Variants in ANKRD55 observed in about 807,000 individuals in gnomAD.
ANKRD55 encodes the protein ankyrin repeat domain-containing protein 55.
A neutral mutation model predicts 60.6 loss-of-function variants in ANKRD55; 41 were observed. That is an observed-to-expected ratio of 0.68 (90% CI 0.53 to 0.88). The LOEUF (loss-of-function observed/expected upper bound fraction) is 0.88, where lower values mean the gene tolerates loss of function less well. Among genes scored for constraint, ANKRD55 ranks in the 40% least tolerant of loss-of-function variants. The pLI is 0.00. For missense variants in ANKRD55, 732 were observed against 767.6 expected, an observed-to-expected ratio of 0.95 and a Z score of 0.55; for synonymous variants, 264 against 290.3, an observed-to-expected ratio of 0.91 and a Z score of 0.92.
intron 2 of ANKRD55, among the ~76,000 whole-genome samples, chr5:56,197,095 T>C (rs1218784262): frequency 2.0e-5 from 3 of 152,174 alleles, no homozygotes; most frequent in Non-Finnish European, 4.4e-5. Flanking sequence ...TGAAGCACAC[T>C]GAAGATTACT....
At chr5:56,107,969 A>C (rs1215578843) in intron 10 of ANKRD55, among the ~76,000 whole-genome samples, 2 of 151,734 alleles carry the variant, frequency 1.3e-5, no homozygotes, top group Non-Finnish European at 2.9e-5. Flanking sequence ...TCCCAGGCTC[A>C]AGTGATCCTC....
intron 10 of ANKRD55, chr5:56,110,608 AC>A (rs1475293697): frequency 6.4e-6 from 1 of 155,368 alleles, no homozygotes; most frequent in Non-Finnish European, 1.4e-5. Context: ...GAATTGCTTT[AC>A]AACCCTTTGG....
chr5:56,116,824 T>A, intron 8 of ANKRD55, 42 bp from the exon 9 acceptor site: 1 of 1,511,840 alleles, frequency 6.6e-7, no homozygotes, highest in Non-Finnish European at 8.8e-7. Context: ...TCTGAGCATG[T>A]GAATTGTTCA....
intron 4 of ANKRD55, among the ~76,000 whole-genome samples, chr5:56,172,012 G>A (rs983119568): frequency 1.3e-5 from 2 of 151,904 alleles, no homozygotes; most frequent in Non-Finnish European, 2.9e-5. Context: ...CCAGCTACTC[G>A]GGAGGCTGAG....
chr5:56,220,641 C>T lies in ANKRD55; in HGVS notation c.58+12215G>A, dbSNP rs146106112. ...ACTAGCCTGGCCAAAAGGTGAAACCCTGTCTCTACAAAAATACGAAAATTA... is the reference window on the plus strand; with the variant it reads ...ACTAGCCTGGCCAAAAGGTGAAACCTTGTCTCTACAAAAATACGAAAATTA... On this transcript the variant is annotated intron_variant, in intron 2 of 11. Coordinates refer to ENST00000341048, the MANE Select transcript of ANKRD55 (RefSeq NM_024669.3). Among the ~76,000 whole-genome samples the T allele has an allele frequency of 5.8e-3, 888 of 152,260 alleles. 2 individuals are homozygous for T. The highest frequency in any genetic ancestry group is 9.7e-3 in the Non-Finnish European group (657 of 68,014).
At chr5:56,166,150 C>CTTT (rs1561277832) in intron 5 of ANKRD55, among the ~76,000 whole-genome samples, 1 of 79,100 alleles carries the variant, frequency 1.3e-5, no homozygotes, top group Non-Finnish European at 2.3e-5. Context: ...TTCTTTCTTT[C>CTTT]TTTCTTCTTT....
intron 7 of ANKRD55, among the ~76,000 whole-genome samples, chr5:56,143,209 C>A (rs953493000): frequency 6.6e-6 from 1 of 152,188 alleles, no homozygotes; most frequent in Non-Finnish European, 1.5e-5. Flanking sequence ...TTTAGTTAAT[C>A]ATTCCCCTTG....
At chr5:56,136,408 C>G (rs1421420184) in intron 7 of ANKRD55, among the ~76,000 whole-genome samples, 1 of 152,108 alleles carries the variant, frequency 6.6e-6, no homozygotes, top group African/African-American at 2.4e-5. Flanking sequence ...AAATAATAGA[C>G]AAGTAAGTCA....
chr5:56,159,835 C>T lies in ANKRD55; in HGVS notation c.481G>A (p.Glu161Lys), dbSNP rs1443564751. The change falls in exon 6 of 12, where the codon GAG (glutamate) becomes AAG (lysine). Residue 161 changes from glutamate (E) to lysine (K), a missense_variant and splice_region_variant. Physicochemically the swap from Glu to Lys is moderately conservative, Grantham distance 56. Coordinates refer to ENST00000341048, the MANE Select transcript of ANKRD55 (RefSeq NM_024669.3). The stretch of plus-strand genomic sequence containing the variant: ...TGTTGCTTGAGAGTGTGGCTCACCT[C>T]ATTGTCCTGGTGATTAATCTCGCTG... ...NISEINHQDN[E>K]GMTPLHWAAF... is the part of the protein sequence containing the mutation. 1.2e-6 allele frequency: 2 copies of T among 1,613,878 alleles called. No individual in the cohort carries two copies. The highest frequency in any genetic ancestry group is 1.7e-6 in the Non-Finnish European group (2 of 1,179,874).
chr5:56,176,011 G>A, intron 4 of ANKRD55, 141 bp downstream of exon 4: 1 of 1,093,400 alleles, frequency 9.1e-7, no homozygotes, highest in Non-Finnish European at 1.3e-6. Context: ...AAACGTTGAA[G>A]ATGATTGGAG....
chr5:56,122,151 G>T (rs544292302), intron 8 of ANKRD55, among the ~76,000 whole-genome samples: 3 of 152,318 alleles, frequency 2.0e-5, no homozygotes, highest in African/African-American at 7.2e-5. Flanking sequence ...TGTTTCTTAA[G>T]TGTAGATTTA....
In ANKRD55 at chr5:56,150,036, T is replaced by C. The variant is rs377015896; in HGVS notation, c.484-6107A>G. 9.2e-5 allele frequency among the ~76,000 whole-genome samples: 14 copies of C among 152,170 alleles called. No homozygotes were observed. The South Asian group carries it at 1.7e-3, about 18-fold the overall frequency. ...TTTGTATTTTTAGTAGAGATGGGCG[T>C]CACCATATTGGCCAGGCTGGTCTTG... is the stretch of plus-strand genomic sequence containing the variant. On this transcript the variant is annotated intron_variant, in intron 6 of 11. Transcript: ENST00000341048.
chr5:56,187,905 A>G (rs1037359452), intron 2 of ANKRD55, among the ~76,000 whole-genome samples: 4 of 152,192 alleles, frequency 2.6e-5, no homozygotes, highest in African/African-American at 9.7e-5. Context: ...AGCTCTAAGA[A>G]CAAGGACCCC....
At chr5:56,131,167 A>C (rs575086375) in intron 7 of ANKRD55, among the ~76,000 whole-genome samples, 18 of 151,768 alleles carry the variant, frequency 1.2e-4, no homozygotes, top group African/African-American at 2.7e-4. Flanking sequence ...ACAAAAAAAA[A>C]CAACAAAACA....
intron 2 of ANKRD55, among the ~76,000 whole-genome samples, chr5:56,230,309 G>A (rs1379512471): frequency 2.0e-5 from 3 of 152,132 alleles, no homozygotes; most frequent in African/African-American, 7.2e-5. Context: ...TGGCCAGGAT[G>A]GTCTCGATCT....
rs201467096 is a variant in ANKRD55 at position 56,135,211 on chromosome 5, T to TTTCCTTCCTTCCTTCCTTCC, written c.613-8125_613-8106dup. Among the ~76,000 whole-genome samples, 521 of 118,440 alleles carry TTTCCTTCCTTCCTTCCTTCC rather than the reference T, an allele frequency of 4.4e-3. 14 individuals carry two copies. The highest frequency in any genetic ancestry group is 0.014 in the Admixed American group (152 of 11,044). The allele number at this position is 118,440 out of a possible 152,430, so 77.7% of individuals were successfully genotyped here. Reference sequence around the variant, plus strand: ...GAAGAAGGTAAAAATGTCTCACAACTTTCCTTCCTTCCTTCCTTCCTTCCT... The same window carrying TTTCCTTCCTTCCTTCCTTCC: ...GAAGAAGGTAAAAATGTCTCACAACTTTCCTTCCTTCCTTCCTTCCTTCCTTCCTTCCTTCCTTCCTTCCT... On this transcript the variant is annotated intron_variant, in intron 7 of 11. Coordinates refer to ENST00000341048, the MANE Select transcript of ANKRD55 (RefSeq NM_024669.3).
chr5:56,161,846 A>T (rs1758339273), intron 5 of ANKRD55: 1 of 402,558 alleles, frequency 2.5e-6, no homozygotes, highest in Non-Finnish European at 3.4e-6. Flanking sequence ...TGCTCTCTGA[A>T]TTCTAGATGT....
At chr5:56,153,262 AAAC>A (rs75381532) in intron 6 of ANKRD55, among the ~76,000 whole-genome samples, 186 of 151,594 alleles carry the variant, frequency 1.2e-3, no homozygotes, top group South Asian at 4.4e-3. Context: ...CTTCCACTAA[AAAC>A]AACAACAACA....
At chr5:56,148,304 AG>A (rs1380690126) in intron 6 of ANKRD55, among the ~76,000 whole-genome samples, 1 of 152,226 alleles carries the variant, frequency 6.6e-6, no homozygotes, top group Non-Finnish European at 1.5e-5. Context: ...CTGACAATCT[AG>A]CAGTCACTAT....
Sources: gnomAD v4.1 joint callset for allele counts (sites outside exome capture counted in the v4.1 genomes callset) on GRCh38, gnomAD v4.1.1 for gene constraint, MANE v1.5 for transcripts, NCBI Gene and HGNC (gene_info 2026-07-23, HGNC 2026-07-21) for gene names.